Variants in NRBP1 observed in about 807,000 individuals in gnomAD.
NRBP1 encodes the protein nuclear receptor binding protein 1.
NRBP1 carries 10 observed loss-of-function variants against 76.0 expected under a neutral mutation model. The ratio of observed to expected loss-of-function variants is 0.13; its 90% confidence interval spans 0.08 to 0.22. NRBP1 has a LOEUF of 0.22. NRBP1 is among the 10% of genes least tolerant of loss of function. The pLI, the probability that NRBP1 is intolerant of heterozygous loss-of-function variation, is 1.00. For synonymous variants in NRBP1, 235 were observed against 240.2 expected (o/e 0.98, Z 0.20); for missense variants, 344 against 646.0 (o/e 0.53, Z 5.07).
intron 16 of NRBP1, 62 bp downstream of exon 16, chr2:27,441,392 T>G (rs1664550939): frequency 6.5e-7 from 1 of 1,533,274 alleles, no homozygotes; most frequent in South Asian, 1.1e-5. Flanking sequence ...TAGGGACATA[T>G]TCAGGGGTGG....
At chr2:27,430,647 T>A (rs966025498) in intron 1 of NRBP1, among the ~76,000 whole-genome samples, 1 of 151,918 alleles carries the variant, frequency 6.6e-6, no homozygotes, top group Non-Finnish European at 1.5e-5. Context: ...TTTTTGTATA[T>A]TTTTGTATTT....
chr2:27,435,082 C>G (rs1475633873), intron 6 of NRBP1, 51 bp from the exon 7 acceptor site: 6 of 1,149,238 alleles, frequency 5.2e-6, no homozygotes, highest in African/African-American at 1.5e-5. Context: ...CTTGGGTTCC[C>G]CCTGCCCTTA....
intron 4 of NRBP1, 78 bp downstream of exon 4, chr2:27,434,168 A>G: frequency 8.5e-7 from 1 of 1,171,044 alleles, no homozygotes; most frequent in African/African-American, 1.5e-5. Flanking sequence ...TTTTACACTC[A>G]GAGATTAAAA....
At chr2:27,437,132 A>T (rs1441470156) in intron 9 of NRBP1, 27 bp downstream of exon 9, 4 of 1,607,930 alleles carry the variant, frequency 2.5e-6, no homozygotes, top group Non-Finnish European at 3.4e-6. Flanking sequence ...GGAGGGGGGA[A>T]AGGGGTCAGA....
Position 27,441,981 on chromosome 2 carries a change from C to T in NRBP1, c.*169C>T. ...TTCTGAGCATCATCCTTTCCCCTCCCCTCTCTTCCTCCCCTCTGCACTTTG... is the reference window on the plus strand; with the variant it reads ...TTCTGAGCATCATCCTTTCCCCTCCTCTCTCTTCCTCCCCTCTGCACTTTG... On this transcript the variant is annotated 3_prime_UTR_variant, in exon 18 of 18. Transcript: ENST00000379852. 1.7e-6 allele frequency: 1 copy of T among 598,940 alleles called. No homozygotes were observed. The highest frequency in any genetic ancestry group is 2.1e-5 in the South Asian group (1 of 47,658). 37.1% of individuals were successfully genotyped at this position (598,940 alleles called of 1,614,324 possible). A position where few individuals can be genotyped will look rare whatever the true frequency, so the allele number is the denominator to read the frequency against.
In NRBP1 at chr2:27,428,657, G is replaced by C; in HGVS notation, c.-95G>C. 2.5e-6 allele frequency: 1 copy of C among 398,124 alleles called. No homozygotes were observed. The highest frequency in any genetic ancestry group is 4.4e-6 in the Non-Finnish European group (1 of 225,710). The allele number at this position is 398,124 out of a possible 1,614,324, so 24.7% of individuals were successfully genotyped here. A position where few individuals can be genotyped will look rare whatever the true frequency, so the allele number is the denominator to read the frequency against. On this transcript the variant is annotated 5_prime_UTR_variant, in exon 1 of 18. Transcript: ENST00000379852. Reference sequence around the variant, plus strand: ...GTTGCGCTGCGGAGCGCAGCTGTGAGGGAGTCGCTGTGATCCGGGGCCCCG... The same window carrying C: ...GTTGCGCTGCGGAGCGCAGCTGTGACGGAGTCGCTGTGATCCGGGGCCCCG...
At position 27,440,256 on chromosome 2, in the gene NRBP1, G is replaced by A. The variant is rs180839958; in HGVS notation, c.1037-147G>A. 2.3e-3 allele frequency: 1,449 copies of A among 641,832 alleles called. 6 individuals carry two copies. Among genetic ancestry groups the A allele is most frequent in the Non-Finnish European group, 3.2e-3 (1,152 of 357,984 alleles). The allele number at this position is 641,832 out of a possible 1,614,324, so 39.8% of individuals were successfully genotyped here. Reference sequence around the variant, plus strand: ...TGAACTGGCGTCAAGTGATCTGTCCGCCTCGGCTTCCCAAAGTGCTGGGAT... The same window carrying A: ...TGAACTGGCGTCAAGTGATCTGTCCACCTCGGCTTCCCAAAGTGCTGGGAT... On this transcript the variant is annotated intron_variant, in intron 11 of 17. Transcript: ENST00000379852.
chr2:27,432,552 A>T lies in NRBP1; in HGVS notation c.-20-702A>T, dbSNP rs564230980. 4.6e-5 allele frequency among the ~76,000 whole-genome samples: 7 copies of T among 150,946 alleles called. No homozygotes were observed. The South Asian group carries it at 1.5e-3, about 32-fold the overall frequency. The stretch of plus-strand genomic sequence containing the variant: ...GTTTTATTTTCTTTTGAATTTGCAG[A>T]TAAGTATTAGGATTATTAAATCTTT... On this transcript the variant is annotated intron_variant, in intron 1 of 17. Transcript: ENST00000379852.
chr2:27,429,918 T>C (rs537985847), intron 1 of NRBP1, among the ~76,000 whole-genome samples: 6 of 152,314 alleles, frequency 3.9e-5, no homozygotes, highest in African/African-American at 1.4e-4. Context: ...GAATTTTATT[T>C]AGTTGTTCAG....
At chr2:27,441,049 C>T in intron 14 of NRBP1, 78 bp from the exon 15 acceptor site, 1 of 1,608,154 alleles carries the variant, frequency 6.2e-7, no homozygotes, top group South Asian at 1.1e-5. Flanking sequence ...GCAGCCATGC[C>T]CTATGGGCTC....
At chr2:27,438,817 G>A (rs567640351) in intron 10 of NRBP1, among the ~76,000 whole-genome samples, 1 of 152,166 alleles carries the variant, frequency 6.6e-6, no homozygotes, top group African/African-American at 2.4e-5. Flanking sequence ...AAATTATCTG[G>A]GTATGGTGGC....
chr2:27,428,072 G>A (rs1290087706), upstream of NRBP1: 1 of 152,228 alleles, frequency 6.6e-6, no homozygotes, highest in Non-Finnish European at 1.5e-5. Flanking sequence ...ATTTCAATGA[G>A]TTCGTTCTTA....
chr2:27,436,765 C>T lies in NRBP1; in HGVS notation c.674C>T (p.Thr225Ile), dbSNP rs1008624595. Residue 225 changes from threonine to isoleucine, a missense_variant, in exon 8 of 18, where the codon ACT becomes ATT. Transcript: ENST00000379852. ...LIKIGSVAPDTINNHVKTCRE... is the reference protein window; with the variant it reads ...LIKIGSVAPDIINNHVKTCRE... Reference sequence around the variant, plus strand: ...CCCCTACTCCCAGTGGCTCCTGACACTATCAACAATCATGTGAAGACTTGT... The same window carrying T: ...CCCCTACTCCCAGTGGCTCCTGACATTATCAACAATCATGTGAAGACTTGT... 3 of 1,613,894 alleles carry T rather than the reference C, an allele frequency of 1.9e-6. No homozygotes were observed. The Admixed American group carries it at 5.0e-5, about 27-fold the overall frequency.
chr2:27,432,277 C>G (rs574230701), intron 1 of NRBP1, among the ~76,000 whole-genome samples: 22 of 152,322 alleles, frequency 1.4e-4, no homozygotes, highest in Admixed American at 5.2e-4. Context: ...GAACCTTACT[C>G]TAAGTGGGAT....
At chr2:27,433,534 G>T (rs764852858) in intron 2 of NRBP1, 51 bp downstream of exon 2, 6 of 1,606,926 alleles carry the variant, frequency 3.7e-6, no homozygotes, top group Middle Eastern at 1.7e-4. Context: ...GGAAAGGTGA[G>T]AACTGGAAGA....
chr2:27,439,505 T>A (rs1301397251), intron 10 of NRBP1, among the ~76,000 whole-genome samples: 12 of 145,442 alleles, frequency 8.3e-5, no homozygotes, highest in African/African-American at 3.2e-4. Flanking sequence ...AAAAAAAAAA[T>A]TGTGAACATT....
At chr2:27,428,187 A>T (rs1647267), upstream of NRBP1, 70,821 of 153,756 alleles carry the variant, frequency 0.46, 17,871 homozygotes, top group African/African-American at 0.67. Flanking sequence ...TGTTAGGTAA[A>T]TTTTAAAAGC....
intron 8 of NRBP1, 101 bp downstream of exon 8, chr2:27,436,937 C>T (rs1317578574): frequency 6.9e-7 from 1 of 1,443,260 alleles, no homozygotes; most frequent in African/African-American, 1.4e-5. Flanking sequence ...TAGGCCTTCT[C>T]TACCAGCATA....
Position 27,441,814 on chromosome 2 carries a change from G to A in NRBP1, c.*2G>A. On this transcript the variant is annotated 3_prime_UTR_variant, in exon 18 of 18. Coordinates refer to ENST00000379852, the MANE Select transcript of NRBP1 (RefSeq NM_013392.4). ...GCCGCTGTCACCGTCTCCTCTTAGA[G>A]CTCACTCGGGCCAGGCCCTGATCTG... 6.3e-7 allele frequency: 1 copy of A among 1,594,588 alleles called. No individual in the cohort carries two copies. Among genetic ancestry groups the A allele is most frequent in the Non-Finnish European group, 8.6e-7 (1 of 1,163,498 alleles).
Sources: allele counts gnomAD v4.1 joint callset (sites outside exome capture counted in the v4.1 genomes callset), GRCh38; gene constraint gnomAD v4.1.1; transcripts MANE v1.5; gene names NCBI Gene and HGNC (gene_info 2026-07-23, HGNC 2026-07-21).